The following SIGLEC12 variants were observed in gnomAD, a reference collection of about 807,000 sequenced individuals.
SIGLEC12 encodes the protein sialic acid binding Ig like lectin 12, also known as sialic acid-binding Ig-like lectin 12.
Under a neutral mutation model 54.1 loss-of-function variants are expected in SIGLEC12, and 43 were observed. The observed-to-expected ratio is 0.80, with a 90% CI of 0.62 to 1.03. The LOEUF is 1.03. Ranked by LOEUF, SIGLEC12 falls within the 50% of genes least tolerant of loss-of-function variation. The pLI, the probability that SIGLEC12 is intolerant of heterozygous loss-of-function variation, is 0.00. For synonymous variants in SIGLEC12, 357 were observed against 307.6 expected (o/e 1.16, Z -1.68); for missense variants, 802 against 735.2 (o/e 1.09, Z -1.05).
Position 51,500,050 on chromosome 19 carries a change from T to C in SIGLEC12, c.678A>G (p.Pro226=). ...TGCTCAGGGAGCAGTTGTTGGTCTG[T>C]GGGTCCCCAAGGAGGAGGAATCGAC... is the stretch of plus-strand genomic sequence containing the variant. ...THGRFLLLGD[P]QTNNCSLSIR... is the part of the protein sequence containing the mutation. The change falls in exon 2 of 8, where the codon CCA becomes CCG. Residue 226 remains proline (P), a synonymous_variant. Transcript: ENST00000291707. The C allele has an allele frequency of 1.9e-6, 3 of 1,614,138 alleles. No individual in the cohort carries two copies. The highest frequency in any genetic ancestry group is 1.6e-4 in the Middle Eastern group (1 of 6,062).
At chr19:51,496,352 C>T (rs1413542159) in intron 7 of SIGLEC12, among the ~76,000 whole-genome samples, 3 of 152,160 alleles carry the variant, frequency 2.0e-5, no homozygotes, top group South Asian at 2.1e-4. Context: ...TATGTAATCC[C>T]AGCTACTCGA....
chr19:51,499,094 C>T, intron 4 of SIGLEC12, 76 bp downstream of exon 4: 1 of 1,525,068 alleles, frequency 6.6e-7, no homozygotes, highest in Non-Finnish European at 9.1e-7. Context: ...GGTCTCAGGT[C>T]ACCAGGGTGA....
Position 51,500,073 on chromosome 19 carries a change from G to T in SIGLEC12, c.655C>A (p.Arg219=). The change falls in exon 2 of 8, where the codon CGA becomes AGA. Residue 219 remains arginine (R), a synonymous_variant. Transcript: ENST00000291707. ...TGTGGGTCCCCAAGGAGGAGGAATC[G>T]ACCGTGGGTATCCTCTTGCACTTTT... The part of the protein sequence containing the change: ...SGKVQEDTHG[R]FLLLGDPQTN... 1.2e-6 allele frequency: 2 copies of T among 1,614,114 alleles called. No individual in the cohort carries two copies. The highest frequency in any genetic ancestry group is 1.7e-6 in the Non-Finnish European group (2 of 1,179,992).
chr19:51,500,483 G>T, intron 1 of SIGLEC12, 183 bp from the exon 2 acceptor site: 1 of 1,018,160 alleles, frequency 9.8e-7, no homozygotes, highest in Non-Finnish European at 1.4e-6. Context: ...GGAGACCTCA[G>T]CCCTGCATGG....
At position 51,491,428 on chromosome 19, in the gene SIGLEC12, G is replaced by A. The variant is rs1990096314; in HGVS notation, c.*213C>T. ...CAGAGAAGTAGAGAAGAGAATGGTG[G>A]GTACCAGAGGCCGGGGGCGGGGAGT... On this transcript the variant is annotated 3_prime_UTR_variant, in exon 8 of 8. Coordinates refer to ENST00000291707, the MANE Select transcript of SIGLEC12 (RefSeq NM_053003.4). The A allele has an allele frequency of 7.3e-6, 4 of 548,600 alleles. No individual in the cohort carries two copies. The highest frequency in any genetic ancestry group is 1.3e-5 in the Non-Finnish European group (4 of 308,342). 34.0% of individuals were successfully genotyped at this position (548,600 alleles called of 1,614,324 possible).
Position 51,498,001 on chromosome 19 carries a change from G to T in SIGLEC12, c.1405+17C>A, listed in dbSNP as rs1244757178. ...GGGACATGTGTGTTCTCCTCCTCCA[G>T]ACCCTCCCCTACCCACCTGTGTACT... is the stretch of plus-strand genomic sequence containing the variant. On this transcript the variant is annotated intron_variant, in intron 5 of 7. Transcript: ENST00000291707. 1.9e-6 allele frequency: 3 copies of T among 1,613,760 alleles called. No individual in the cohort carries two copies. The highest frequency in any genetic ancestry group is 1.7e-5 in the Admixed American group (1 of 59,978).
chr19:51,495,397 A>AAGGG lies in SIGLEC12; in HGVS notation c.1599+1482_1599+1483insCCCT, dbSNP rs1555776058. Among the ~76,000 whole-genome samples, 10 of 51,842 alleles carry AAGGG rather than the reference A, an allele frequency of 1.9e-4. 1 individual carries two copies. Among genetic ancestry groups the AAGGG allele is most frequent in the African/African-American group, 7.4e-4 (9 of 12,106 alleles). The allele number at this position is 51,842 out of a possible 152,430, so 34.0% of individuals were successfully genotyped here. On this transcript the variant is annotated intron_variant, in intron 7 of 7. Transcript: ENST00000291707. ...GATGGATGGATGGATGGATGGATGG[A>AAGGG]TGGGTGGGTGGGTGGGTGGATGGAT... is the stretch of plus-strand genomic sequence containing the variant.
At chr19:51,499,053 G>GCC in intron 4 of SIGLEC12, 117 bp downstream of exon 4, 1 of 1,027,858 alleles carries the variant, frequency 9.7e-7, no homozygotes, top group Non-Finnish European at 1.5e-6. Flanking sequence ...TGAGGCTGAG[G>GCC]GAGGGGGGGG....
chr19:51,500,735 C>T (rs3810105), intron 1 of SIGLEC12, among the ~76,000 whole-genome samples: 9,513 of 151,216 alleles, frequency 0.063, 454 homozygotes, highest in South Asian at 0.13. Context: ...TGTGGATCTC[C>T]GAGGACCTCG....
Position 51,499,477 on chromosome 19 carries a change from C to A in SIGLEC12, c.1048G>T (p.Gly350Cys). ...CGGACAGCCCTGGTCATGGTCACGC[C>A]GGCCCCAGGCAAGGTCACCTGACAG... ...LTCQVTLPGA[G>C]VTMTRAVRLN... The change falls in exon 3 of 8, where the codon GGC (glycine) becomes TGC (cysteine). Residue 350 changes from glycine (G) to cysteine (C), a missense_variant. Coordinates refer to ENST00000291707, the MANE Select transcript of SIGLEC12 (RefSeq NM_053003.4). The A allele has an allele frequency of 2.5e-6, 4 of 1,603,482 alleles. No individual in the cohort carries two copies. The highest frequency in any genetic ancestry group is 3.4e-6 in the Non-Finnish European group (4 of 1,175,386).
chr19:51,497,455 G>A lies in SIGLEC12; in HGVS notation c.1406-10C>T. 2 of 1,601,732 alleles carry A rather than the reference G, an allele frequency of 1.2e-6. No homozygotes were observed. Among genetic ancestry groups the A allele is most frequent in the Non-Finnish European group, 1.7e-6 (2 of 1,170,096 alleles). On this transcript the variant is annotated splice_polypyrimidine_tract_variant and intron_variant, in intron 5 of 7. Coordinates refer to ENST00000291707, the MANE Select transcript of SIGLEC12 (RefSeq NM_053003.4). ...ATAGGCCTCATTTTGCCTGAGGATGGATTGGAGTTGTTTTGGGGTTTACCC... is the reference window on the plus strand; with the variant it reads ...ATAGGCCTCATTTTGCCTGAGGATGAATTGGAGTTGTTTTGGGGTTTACCC...
At chr19:51,495,544 C>A (rs1389804789) in intron 7 of SIGLEC12, among the ~76,000 whole-genome samples, 1 of 152,216 alleles carries the variant, frequency 6.6e-6, no homozygotes, top group East Asian at 1.9e-4. Context: ...AATAAACCCA[C>A]AAGCCTTCTC....
intron 7 of SIGLEC12, among the ~76,000 whole-genome samples, chr19:51,495,294 T>TGGAC (rs1337738208): frequency 1.2e-5 from 1 of 86,014 alleles, no homozygotes; most frequent in Non-Finnish European, 2.5e-5. Flanking sequence ...GATGGATGGA[T>TGGAC]GGACGGACGG....
chr19:51,495,008 G>A (rs1387736440), intron 7 of SIGLEC12, among the ~76,000 whole-genome samples: 1 of 152,166 alleles, frequency 6.6e-6, no homozygotes, highest in Non-Finnish European at 1.5e-5. Flanking sequence ...ATTGTTCAAC[G>A]AATGTGGAGT....
rs757410651 is a variant in SIGLEC12 at position 51,501,547 on chromosome 19, A to C, written c.187T>G (p.Trp63Gly). ...CTTACATGGTCCCCTGCCCGGAACC[A>C]GTAGCCATGAACTGGATCGGAGGCA... ...WTASDPVHGY[W>G]FRAGDHVSRN... Residue 63 changes from tryptophan to glycine, a missense_variant, in exon 1 of 8, where the codon TGG becomes GGG. Trp to Gly is a radical substitution (Grantham distance 184). Transcript: ENST00000291707. The C allele has an allele frequency of 6.3e-7, 1 of 1,581,950 alleles. No homozygotes were observed. Among genetic ancestry groups the C allele is most frequent in the South Asian group, 1.2e-5 (1 of 86,632 alleles).
intron 7 of SIGLEC12, among the ~76,000 whole-genome samples, chr19:51,492,339 T>C (rs976165084): frequency 6.6e-6 from 1 of 152,120 alleles, no homozygotes; most frequent in African/African-American, 2.4e-5. Context: ...TATGATAAGA[T>C]GGGTAGGAAG....
rs1244757656 is a variant in SIGLEC12, at chr19:51,495,306, C to CGGGT, written c.1599+1570_1599+1573dup. Among the ~76,000 whole-genome samples the CGGGT allele has an allele frequency of 4.2e-4, 10 of 24,036 alleles. 1 individual carries two copies. The highest frequency in any genetic ancestry group is 7.5e-4 in the Non-Finnish European group (8 of 10,720). 15.8% of individuals were successfully genotyped at this position (24,036 alleles called of 152,430 possible). ...ATGGATGGATGGATGGACGGACGGA[C>CGGGT]GGGTGGGTGGATGGATGGATGGATG... On this transcript the variant is annotated intron_variant, in intron 7 of 7. Transcript: ENST00000291707.
Position 51,491,802 on chromosome 19 carries a change from C to A in SIGLEC12, c.1627G>T (p.Asp543Tyr), listed in dbSNP as rs774514516. The A allele has an allele frequency of 2.1e-5, 33 of 1,585,212 alleles. No homozygotes were observed. Among genetic ancestry groups the A allele is most frequent in the Non-Finnish European group, 2.7e-5 (32 of 1,166,516 alleles). The change falls in exon 8 of 8, where the codon GAC (aspartate) becomes TAC (tyrosine). Residue 543 changes from aspartate to tyrosine, a missense_variant. By Grantham distance (160) the Asp-to-Tyr change is radical. Coordinates refer to ENST00000291707, the MANE Select transcript of SIGLEC12 (RefSeq NM_053003.4). ...QGPLIESPAD[D>Y]SPPHHAPPAL... ...GGCGGAGCATGGTGTGGGGGGCTGT[C>A]ATCTGCCGGGGATTCAATCAGGGGT...
Position 51,499,550 on chromosome 19 carries a change from C to T in SIGLEC12, c.975G>A (p.Ser325=), listed in dbSNP as rs58092569. ...SSLDPTITRS[S]MLSLIPQPQD... is the part of the protein sequence containing the mutation. ...GGGGCTGTGGGATGAGGCTGAGCAT[C>T]GAGGAGCGAGTGATAGTGGGGTCCA... The change falls in exon 3 of 8, where the codon TCG becomes TCA. Residue 325 remains serine (S), a synonymous_variant. Transcript: ENST00000291707. 1.8e-5 allele frequency: 29 copies of T among 1,610,952 alleles called. No individual in the cohort carries two copies. The highest frequency in any genetic ancestry group is 5.0e-5 in the Admixed American group (3 of 59,490).
Sources: gnomAD v4.1 joint callset for allele counts (sites outside exome capture counted in the v4.1 genomes callset) on GRCh38, gnomAD v4.1.1 for gene constraint, MANE v1.5 for transcripts, NCBI Gene and HGNC (gene_info 2026-07-23, HGNC 2026-07-21) for gene names.